DDX1: variants seen among roughly 807,000 people sequenced by gnomAD.
The protein encoded by DDX1 is ATP-dependent RNA helicase DDX1.
In DDX1, 28 loss-of-function variants were observed where a neutral mutation model predicts 108.7. The ratio of observed to expected loss-of-function variants is 0.26; its 90% CI spans 0.19 to 0.35. The LOEUF (loss-of-function observed/expected upper bound fraction) is 0.35, where lower values mean the gene tolerates loss of function less well. DDX1 is among the 10% of genes least tolerant of loss of function. DDX1 has a pLI of 1.00. For missense variants in DDX1, 710 were observed against 884.5 expected (o/e 0.80, Z 2.50); for synonymous variants, 295 against 288.9 (o/e 1.02, Z -0.21).
chr2:15,600,410 G>T (rs1426600568), intron 6 of DDX1, among the ~76,000 whole-genome samples: 1 of 152,232 alleles, frequency 6.6e-6, no homozygotes, highest in Non-Finnish European at 1.5e-5. Flanking sequence ...ATGCATTTTA[G>T]TAAAGACTCC....
chr2:15,627,173 T>A, intron 20 of DDX1, 28 bp downstream of exon 20: 1 of 1,331,408 alleles, frequency 7.5e-7, no homozygotes, highest in Non-Finnish European at 1.1e-6. Context: ...ATTGTTTCCT[T>A]AATACTTAAG....
intron 5 of DDX1, among the ~76,000 whole-genome samples, chr2:15,598,367 GCC>G (rs1413772565): frequency 6.6e-5 from 10 of 152,148 alleles, no homozygotes; most frequent in African/African-American, 2.4e-4. Flanking sequence ...TAACAACTGT[GCC>G]GTCATTTATG....
chr2:15,624,558 C>T (rs1321646349), intron 19 of DDX1, among the ~76,000 whole-genome samples: 1 of 152,186 alleles, frequency 6.6e-6, no homozygotes, highest in Non-Finnish European at 1.5e-5. Context: ...CATCAGATCT[C>T]ATGAGGACTC....
intron 7 of DDX1, among the ~76,000 whole-genome samples, chr2:15,602,946 C>T (rs1665609832): frequency 6.6e-6 from 1 of 152,230 alleles, no homozygotes. Context: ...CTCCTAACCT[C>T]AGGTGATCTG....
intron 6 of DDX1, among the ~76,000 whole-genome samples, chr2:15,599,976 A>G (rs1392024214): frequency 6.6e-6 from 1 of 152,248 alleles, no homozygotes; most frequent in African/African-American, 2.4e-5. Flanking sequence ...TTATTAAGTA[A>G]AGGGTGCTGA....
chr2:15,628,550 T>C, intron 21 of DDX1, 33 bp downstream of exon 21: 2 of 1,600,908 alleles, frequency 1.2e-6, no homozygotes, highest in Non-Finnish European at 1.7e-6. Flanking sequence ...TGTAGTGTGA[T>C]TGTTACGGAA....
At chr2:15,595,375 A>G in intron 2 of DDX1, 115 bp from the exon 3 acceptor site, 1 of 946,556 alleles carries the variant, frequency 1.1e-6, no homozygotes. Flanking sequence ...CTAGTGGAAT[A>G]AGATGGATCG....
intron 4 of DDX1, among the ~76,000 whole-genome samples, 189 bp from the exon 5 acceptor site, chr2:15,597,186 A>G (rs1419226992): frequency 6.6e-6 from 1 of 151,938 alleles, no homozygotes; most frequent in Admixed American, 6.6e-5. Flanking sequence ...GCTGCGTCCT[A>G]TTTCCTTCAT....
chr2:15,622,584 G>A (rs1485905373), intron 18 of DDX1, among the ~76,000 whole-genome samples: 1 of 152,132 alleles, frequency 6.6e-6, no homozygotes, highest in Non-Finnish European at 1.5e-5. Context: ...TATCAAAATG[G>A]TGAATTATCT....
At position 15,621,046 on chromosome 2, in the gene DDX1, T is replaced by C. The variant is rs763856497; in HGVS notation, c.1396-19T>C. The C allele has an allele frequency of 6.4e-7, 1 of 1,572,454 alleles. No homozygotes were observed. The highest frequency in any genetic ancestry group is 1.1e-5 in the South Asian group (1 of 89,406). On this transcript the variant is annotated intron_variant, in intron 17 of 25. Transcript: ENST00000233084. ...TTTAACCACTCCTCTATCCTGTTTT[T>C]ATTCCTTGCTTTTGATAGACTGATG...
At chr2:15,610,305 ATGG>A (rs988520381) in intron 13 of DDX1, among the ~76,000 whole-genome samples, 2 of 152,002 alleles carry the variant, frequency 1.3e-5, no homozygotes, top group Non-Finnish European at 2.9e-5. Flanking sequence ...CTCTTTTGTC[ATGG>A]TGTTTTGATG....
chr2:15,607,391 A>G, intron 13 of DDX1, 78 bp downstream of exon 13: 1 of 1,349,786 alleles, frequency 7.4e-7, no homozygotes, highest in South Asian at 1.3e-5. Flanking sequence ...GGTAGAGAAA[A>G]ATGAAGTAGA....
At chr2:15,626,700 A>G (rs1291728828) in intron 19 of DDX1, among the ~76,000 whole-genome samples, 2 of 152,154 alleles carry the variant, frequency 1.3e-5, no homozygotes, top group Non-Finnish European at 2.9e-5. Flanking sequence ...TGGTTCCTCC[A>G]AGAATGATCT....
chr2:15,629,827 G>A (rs1025136207), intron 24 of DDX1, 130 bp downstream of exon 24: 8 of 1,001,686 alleles, frequency 8.0e-6, no homozygotes, highest in Non-Finnish European at 1.2e-5. Context: ...TGGTTATAAT[G>A]TTATCTGCAC....
chr2:15,613,358 C>G (rs2302935), intron 14 of DDX1, 74 bp downstream of exon 14: 192,061 of 1,057,258 alleles, frequency 0.18, 20,262 homozygotes, highest in African/African-American at 0.42. Context: ...TGTTTTGTTT[C>G]AAGAAAATTT....
chr2:15,612,099 C>T (rs1176354085), intron 13 of DDX1, among the ~76,000 whole-genome samples: 1 of 145,694 alleles, frequency 6.9e-6, no homozygotes, highest in Non-Finnish European at 1.5e-5. Context: ...CTGACCCCCC[C>T]ACCTCCCTCC....
chr2:15,618,257 GA>G lies in DDX1; in HGVS notation c.1198del (p.Arg400AspfsTer4). On this transcript the variant is annotated frameshift_variant, in exon 16 of 26. Coordinates refer to ENST00000233084, the MANE Select transcript of DDX1 (RefSeq NM_004939.3). LOFTEE classifies it high-confidence loss of function. ...HNQIPQVTSD[G>X]KRLQVIVCSA... is the part of the protein sequence containing the mutation. ...CAGATTCCTCAGGTTACCTCTGATG[GA>G]AAAAGACTTCAGGTATAAAATTTAT... 5 of 1,553,894 alleles carry G rather than the reference GA, an allele frequency of 3.2e-6. No homozygotes were observed. The South Asian group carries it at 3.5e-5, about 11-fold the overall frequency.
chr2:15,602,699 G>T (rs1176417731), intron 7 of DDX1, 68 bp downstream of exon 7: 14 of 1,217,300 alleles, frequency 1.2e-5, no homozygotes, highest in Admixed American at 5.4e-5. Context: ...GGGTTTTTTT[G>T]TTGTTGTTTG....
intron 17 of DDX1, 77 bp from the exon 18 acceptor site, chr2:15,620,988 C>T (rs548559714): frequency 6.5e-6 from 6 of 917,580 alleles, no homozygotes; most frequent in South Asian, 6.0e-5. Context: ...ATAAATCTCC[C>T]TTTTAAAACA....
Sources: gnomAD v4.1 joint callset for allele counts (sites outside exome capture counted in the v4.1 genomes callset) on GRCh38, gnomAD v4.1.1 for gene constraint, MANE v1.5 for transcripts, NCBI Gene and HGNC (gene_info 2026-07-23, HGNC 2026-07-21) for gene names.